The following NIPBL variants were observed in gnomAD, a reference collection of about 807,000 sequenced individuals.
NIPBL encodes the protein nipped-B-like protein.
A neutral mutation model predicts 321.8 loss-of-function variants in NIPBL; 19 were observed. The ratio of observed to expected loss-of-function variants is 0.06; its 90% confidence interval spans 0.04 to 0.09. The LOEUF (loss-of-function observed/expected upper bound fraction) is 0.09, where lower values mean the gene tolerates loss of function less well. Ranked by LOEUF, NIPBL falls within the 10% of genes least tolerant of loss-of-function variation. The pLI is 1.00. For synonymous variants in NIPBL, 1,106 were observed against 1,114.1 expected, an observed-to-expected ratio of 0.99 and a Z score of 0.14; for missense variants, 2,210 against 3,327.0, an observed-to-expected ratio of 0.66 and a Z score of 8.26.
chr5:36,997,250 C>T (rs141749287), intron 11 of NIPBL, among the ~76,000 whole-genome samples: 97 of 152,192 alleles, frequency 6.4e-4, no homozygotes, highest in African/African-American at 2.1e-3. Flanking sequence ...CTAGAACAGC[C>T]GAGAAGGAGG....
At chr5:36,894,541 T>G (rs1746588546) in intron 1 of NIPBL, among the ~76,000 whole-genome samples, 1 of 152,204 alleles carries the variant, frequency 6.6e-6, no homozygotes, top group South Asian at 2.1e-4. Flanking sequence ...TTTGATAACT[T>G]GTTTTGTATT....
intron 1 of NIPBL, among the ~76,000 whole-genome samples, chr5:36,898,772 A>G (rs1746981028): frequency 6.6e-6 from 1 of 151,956 alleles, no homozygotes; most frequent in African/African-American, 2.4e-5. Flanking sequence ...CACCCTCCCA[A>G]AGTGCTGGGT....
rs1354589113 is a variant in NIPBL, at chr5:36,973,112, TA to T, written c.868+1072del. ...AAAATTGTAGTCAAATAGCTTTAATTATCAGTTTGTTGGAAGAGAAAACTGT... is the reference window on the plus strand; with the variant it reads ...AAAATTGTAGTCAAATAGCTTTAATTTCAGTTTGTTGGAAGAGAAAACTGT... On this transcript the variant is annotated intron_variant, in intron 8 of 46. Transcript: ENST00000282516. 2.6e-5 allele frequency among the ~76,000 whole-genome samples: 4 copies of T among 152,174 alleles called. No homozygotes were observed. In the East Asian group the frequency reaches 7.7e-4, roughly 29 times the overall value.
chr5:36,996,586 C>T lies in NIPBL; in HGVS notation c.3304+782C>T. ...ACTGGTCCACTGAAAAAGTTCTTCT[C>T]TTTTATCCCTATCTTCCTTCTTCTG... On this transcript the variant is annotated intron_variant, in intron 11 of 46. Transcript: ENST00000282516. This position sits in a 1 kb window ranked among gnomAD's most constrained non-coding sequence, Gnocchi z 5.0. 2.2e-6 allele frequency: 1 copy of T among 452,034 alleles called. No homozygotes were observed. Among genetic ancestry groups the T allele is most frequent in the East Asian group, 7.0e-5 (1 of 14,328 alleles). 28.0% of individuals were successfully genotyped at this position (452,034 alleles called of 1,614,324 possible).
chr5:36,966,992 G>T (rs1410292891), intron 6 of NIPBL, among the ~76,000 whole-genome samples: 1 of 151,742 alleles, frequency 6.6e-6, no homozygotes, highest in East Asian at 1.9e-4. Flanking sequence ...GTATATAAGA[G>T]AACATAAATA....
At chr5:36,980,607 G>C (rs1262340434) in intron 9 of NIPBL, among the ~76,000 whole-genome samples, 1 of 151,550 alleles carries the variant, frequency 6.6e-6, no homozygotes, top group Non-Finnish European at 1.5e-5. Context: ...GTAACATGCT[G>C]TACAGGTTTA....
chr5:37,044,806 A>G, intron 36 of NIPBL, 77 bp downstream of exon 36: 1 of 1,006,026 alleles, frequency 9.9e-7, no homozygotes, highest in Non-Finnish European at 1.6e-6. Context: ...CACATTTGAT[A>G]AAAGGCTAGA....
At chr5:36,957,637 C>T (rs943104686) in intron 3 of NIPBL, among the ~76,000 whole-genome samples, 1 of 152,104 alleles carries the variant, frequency 6.6e-6, no homozygotes, top group Non-Finnish European at 1.5e-5. Context: ...AAGAATCCCT[C>T]TCTGTTATTT....
chr5:37,044,848 C>T (rs1752809355), intron 36 of NIPBL, 119 bp downstream of exon 36: 7 of 730,762 alleles, frequency 9.6e-6, no homozygotes, highest in South Asian at 4.7e-5. Context: ...GATTATCCAC[C>T]GTGGTCCTCT....
intron 1 of NIPBL, among the ~76,000 whole-genome samples, chr5:36,944,123 G>T (rs1163081285): frequency 6.6e-6 from 1 of 151,952 alleles, no homozygotes; most frequent in Non-Finnish European, 1.5e-5. Flanking sequence ...TAAATGGTGG[G>T]GTTTTTTTGT....
chr5:36,940,293 T>TATGTAATATGTAACTAAGATATGTA (rs1360078666), intron 1 of NIPBL, among the ~76,000 whole-genome samples: 1 of 152,160 alleles, frequency 6.6e-6, no homozygotes, highest in Admixed American at 6.5e-5. Context: ...TTAACTAAGA[T>TATGTAATATGTAACTAAGATATGTA]ATGTATGTAA....
At chr5:36,964,723 A>G (rs368202437) in intron 6 of NIPBL, among the ~76,000 whole-genome samples, 14 of 152,192 alleles carry the variant, frequency 9.2e-5, no homozygotes, top group African/African-American at 3.1e-4. Flanking sequence ...AAAAGAAACA[A>G]TCAACAAAAT....
intron 33 of NIPBL, among the ~76,000 whole-genome samples, chr5:37,037,180 G>A (rs1751789587): frequency 1.3e-5 from 2 of 151,392 alleles, no homozygotes; most frequent in South Asian, 4.1e-4. Flanking sequence ...GAGGTCAGGA[G>A]ATTGAGACCA....
chr5:37,024,198 G>T (rs1011006205), intron 29 of NIPBL, among the ~76,000 whole-genome samples: 2 of 151,690 alleles, frequency 1.3e-5, no homozygotes, highest in African/African-American at 4.8e-5. Flanking sequence ...ATAAGATAGT[G>T]CCAAAGGTTT....
chr5:36,950,813 G>A, intron 1 of NIPBL, among the ~76,000 whole-genome samples: 1 of 152,068 alleles, frequency 6.6e-6, no homozygotes, highest in East Asian at 1.9e-4. Flanking sequence ...AGTTAGTTAG[G>A]GTTGTGTTTG....
intron 17 of NIPBL, among the ~76,000 whole-genome samples, 167 bp downstream of exon 17, chr5:37,006,755 T>G (rs535242590): frequency 1.3e-5 from 2 of 152,150 alleles, no homozygotes; most frequent in African/African-American, 4.8e-5. Context: ...ATAATTTCTT[T>G]AGGAACATTT....
At position 37,011,290 on chromosome 5, in the gene NIPBL, T is replaced by C. The variant is rs375774974; in HGVS notation, c.4560+1065T>C. 1.6e-4 allele frequency among the ~76,000 whole-genome samples: 25 copies of C among 152,348 alleles called. 1 individual carries two copies. In the East Asian group the frequency reaches 3.9e-3, roughly 23 times the overall value. ...TTAATAACTGGACAGGCACTTTGGC[T>C]CATGCCCATAATCCCAGCACTTTGC... On this transcript the variant is annotated intron_variant, in intron 21 of 46. Coordinates refer to ENST00000282516, the MANE Select transcript of NIPBL (RefSeq NM_133433.4).
chr5:37,043,357 G>A (rs768953404), intron 34 of NIPBL, among the ~76,000 whole-genome samples: 9 of 152,016 alleles, frequency 5.9e-5, no homozygotes, highest in East Asian at 1.9e-4. Context: ...GTGAAACCCC[G>A]TCTCTACTAA....
intron 1 of NIPBL, among the ~76,000 whole-genome samples, chr5:36,944,387 T>C (rs1739437711): frequency 6.6e-6 from 1 of 152,104 alleles, no homozygotes; most frequent in Non-Finnish European, 1.5e-5. Flanking sequence ...ATCTTACCTA[T>C]TGGGAGAGTT....
Sources: allele counts gnomAD v4.1 joint callset (sites outside exome capture counted in the v4.1 genomes callset), GRCh38; gene constraint gnomAD v4.1.1; non-coding constraint Gnocchi (gnomAD v3.1); transcripts MANE v1.5; gene names NCBI Gene and HGNC (gene_info 2026-07-23, HGNC 2026-07-21).